Variants in CCR3 observed in about 807,000 individuals in gnomAD.
CCR3 encodes the protein C-C motif chemokine receptor 3, also known as C-C chemokine receptor type 3.
For missense variants in CCR3, 419 were observed against 437.5 expected, an observed-to-expected ratio of 0.96 and a Z score of 0.38; for synonymous variants, 203 against 179.2, an observed-to-expected ratio of 1.13 and a Z score of -1.06.
intron 1 of CCR3, among the ~76,000 whole-genome samples, chr3:46,254,950 G>A (rs774065405): frequency 3.3e-5 from 5 of 152,180 alleles, no homozygotes; most frequent in Non-Finnish European, 5.9e-5. Flanking sequence ...ATGATAGATC[G>A]ACTTTTAATT....
At chr3:46,225,754 G>A (rs1284325039) in intron 2 of CCR3, among the ~76,000 whole-genome samples, 3 of 151,962 alleles carry the variant, frequency 2.0e-5, no homozygotes, top group Non-Finnish European at 1.5e-5. Flanking sequence ...TTTTCTAATT[G>A]GAATTTTTGC....
chr3:46,241,135 T>TTC (rs201378621), upstream of CCR3, among the ~76,000 whole-genome samples: 3 of 147,760 alleles, frequency 2.0e-5, no homozygotes, highest in Admixed American at 6.7e-5. Flanking sequence ...TCCCTATTCT[T>TTC]TCTCTCTCTC....
intron 2 of CCR3, among the ~76,000 whole-genome samples, chr3:46,225,986 A>G (rs940792414): frequency 2.6e-5 from 4 of 152,172 alleles, no homozygotes; most frequent in African/African-American, 9.7e-5. Flanking sequence ...AAAAACAGTT[A>G]AGCATATTTG....
In CCR3 at chr3:46,242,963, G is replaced by GTATATA. The variant is rs71095086; in HGVS notation, c.-12+436_-12+441dup. Among the ~76,000 whole-genome samples, 58 of 86,288 alleles carry GTATATA rather than the reference G, an allele frequency of 6.7e-4. No homozygotes were observed. The East Asian group carries it at 0.019, about 28-fold the overall frequency. 56.6% of individuals were successfully genotyped at this position (86,288 alleles called of 152,430 possible). ...AAAATATAATTTTACATATATATGT[G>GTATATA]TATATATATATATATACACATATAT... On this transcript the variant is annotated intron_variant, in intron 1 of 1. Coordinates refer to ENST00000395940, the MANE Select transcript of CCR3 (RefSeq NM_178329.3).
At chr3:46,243,871 T>TA (rs1224979219) in intron 1 of CCR3, among the ~76,000 whole-genome samples, 3 of 152,158 alleles carry the variant, frequency 2.0e-5, no homozygotes, top group South Asian at 2.1e-4. Flanking sequence ...TACTTGTAGT[T>TA]AAAAAAAATC....
intron 2 of CCR3, among the ~76,000 whole-genome samples, chr3:46,219,001 C>A (rs1699805080): frequency 6.6e-6 from 1 of 151,992 alleles, no homozygotes; most frequent in African/African-American, 2.4e-5. Flanking sequence ...GAGAAAGAAA[C>A]AAAGGCCATC....
chr3:46,212,847 C>T (rs1699732629), intron 2 of CCR3, among the ~76,000 whole-genome samples: 2 of 152,316 alleles, frequency 1.3e-5, no homozygotes, highest in African/African-American at 2.4e-5. Context: ...GAAGCCTTCC[C>T]ATCCTCCATG....
At position 46,265,878 on chromosome 3, in the gene CCR3, C is replaced by T. The variant is rs765059901; in HGVS notation, c.720C>T (p.Leu240=). The T allele has an allele frequency of 2.5e-6, 4 of 1,614,144 alleles. No individual in the cohort carries two copies. The South Asian group carries it at 4.4e-5, about 18-fold the overall frequency. Residue 240 remains leucine (L), a synonymous_variant, in exon 2 of 2, where the codon CTC becomes CTT. Coordinates refer to ENST00000395940, the MANE Select transcript of CCR3 (RefSeq NM_178329.3). ...PSKKKYKAIR[L]IFVIMAVFFI... ...AAAAAAAGTACAAGGCCATCCGGCT[C>T]ATTTTTGTCATCATGGCGGTGTTTT...
intron 2 of CCR3, among the ~76,000 whole-genome samples, chr3:46,233,200 A>T (rs1699985807): frequency 1.3e-5 from 2 of 152,186 alleles, no homozygotes; most frequent in South Asian, 4.1e-4. Context: ...AGAAATACAC[A>T]GGATTGCCAA....
chr3:46,217,572 A>C (rs1284153092), intron 2 of CCR3, among the ~76,000 whole-genome samples: 1 of 152,144 alleles, frequency 6.6e-6, no homozygotes, highest in East Asian at 1.9e-4. Flanking sequence ...GCCACAAAAT[A>C]AGTTTCAATA....
intron 2 of CCR3, among the ~76,000 whole-genome samples, chr3:46,228,204 T>G (rs1160393756): frequency 1.3e-5 from 2 of 151,462 alleles, no homozygotes; most frequent in Non-Finnish European, 2.9e-5. Flanking sequence ...GCCTTTCCAA[T>G]CTCACTGGGG....
intron 2 of CCR3, among the ~76,000 whole-genome samples, chr3:46,222,723 A>G (rs1428361722): frequency 2.6e-5 from 4 of 152,132 alleles, no homozygotes; most frequent in Non-Finnish European, 5.9e-5. Flanking sequence ...GGGCATTTTT[A>G]TTTACCGCTT....
chr3:46,231,285 T>TC (rs1699963265), intron 2 of CCR3, among the ~76,000 whole-genome samples: 1 of 152,174 alleles, frequency 6.6e-6, no homozygotes, highest in African/African-American at 2.4e-5. Context: ...AAAACAGCAC[T>TC]CCATATGGAA....
chr3:46,233,752 T>C (rs1699993791), intron 2 of CCR3, among the ~76,000 whole-genome samples: 1 of 152,224 alleles, frequency 6.6e-6, no homozygotes, highest in Non-Finnish European at 1.5e-5. Context: ...CCACTTTGTG[T>C]TCTGGTTTCC....
Position 46,262,668 on chromosome 3 carries a change from A to T in CCR3, c.-11-2480A>T, listed in dbSNP as rs565249019. Among the ~76,000 whole-genome samples, 528 of 151,950 alleles carry T rather than the reference A, an allele frequency of 3.5e-3. 6 individuals carry two copies. The highest frequency in any genetic ancestry group is 0.011 in the African/African-American group (475 of 41,452). On this transcript the variant is annotated intron_variant, in intron 1 of 1. Coordinates refer to ENST00000395940, the MANE Select transcript of CCR3 (RefSeq NM_178329.3). ...TTTTTAATTATTTATTTATTTATTT[A>T]TTTTTTGAGATGGAGTCTGGCTGTC... is the stretch of plus-strand genomic sequence containing the variant.
At chr3:46,228,160 T>C (rs1286894884) in intron 2 of CCR3, among the ~76,000 whole-genome samples, 3 of 147,782 alleles carry the variant, frequency 2.0e-5, no homozygotes, top group Non-Finnish European at 4.5e-5. Flanking sequence ...CAGTTTGTGG[T>C]CTTTTTTTTT....
At chr3:46,249,185 A>G (rs547565527) in intron 1 of CCR3, among the ~76,000 whole-genome samples, 2 of 152,198 alleles carry the variant, frequency 1.3e-5, no homozygotes, top group East Asian at 3.9e-4. Flanking sequence ...GAGGACGCAA[A>G]GGAGGCTTTG....
chr3:46,246,889 T>A (rs2125928977), intron 1 of CCR3, among the ~76,000 whole-genome samples: 1 of 152,070 alleles, frequency 6.6e-6, no homozygotes, highest in Middle Eastern at 3.4e-3. Flanking sequence ...TGGGAGAGAT[T>A]AAGCTGAAGG....
chr3:46,241,654 A>G (rs1433800877), upstream of CCR3, among the ~76,000 whole-genome samples: 3 of 152,192 alleles, frequency 2.0e-5, no homozygotes, highest in African/African-American at 2.4e-5. Flanking sequence ...AGGTCCAGCA[A>G]GTTTAAATTA....
Sources: gnomAD v4.1 joint callset for allele counts (sites outside exome capture counted in the v4.1 genomes callset) on GRCh38, gnomAD v4.1.1 for gene constraint, MANE v1.5 for transcripts, NCBI Gene and HGNC (gene_info 2026-07-23, HGNC 2026-07-21) for gene names.